Variants in CGREF1 observed in about 807,000 individuals in gnomAD.
CGREF1 encodes cell growth regulator with EF hand domain protein 1.
CGREF1 carries 16 observed loss-of-function variants against 17.4 expected under a neutral mutation model. The ratio of observed to expected loss-of-function variants is 0.92; its 90% CI spans 0.62 to 1.40. CGREF1 has a LOEUF of 1.40. Ranked by LOEUF, CGREF1 falls within the 40% of genes most tolerant of loss-of-function variation. CGREF1 has a pLI of 0.00. For synonymous variants in CGREF1, 142 were observed against 154.6 expected, an observed-to-expected ratio of 0.92 and a Z score of 0.61; for missense variants, 296 against 376.4, an observed-to-expected ratio of 0.79 and a Z score of 1.77.
In CGREF1 at chr2:27,101,870, T is replaced by C; in HGVS notation, c.361A>G (p.Lys121Glu). Residue 121 changes from lysine (K) to glutamate (E), a missense_variant, in exon 6 of 6, where the codon AAA becomes GAA. Transcript: ENST00000402394. ...TTNPVILIVDKVLETQDLNGD... is the reference protein window; with the variant it reads ...TTNPVILIVDEVLETQDLNGD... ...TTCAGGTCCTGGGTCTCGAGCACTTTGTCCACTATCAAGATCACCTGTGGA... is the reference window on the plus strand; with the variant it reads ...TTCAGGTCCTGGGTCTCGAGCACTTCGTCCACTATCAAGATCACCTGTGGA... 2 of 1,613,026 alleles carry C rather than the reference T, an allele frequency of 1.2e-6. No homozygotes were observed. Among genetic ancestry groups the C allele is most frequent in the Non-Finnish European group, 1.7e-6 (2 of 1,179,758 alleles).
rs747455437 is a variant in CGREF1 at position 27,101,850 on chromosome 2, G to C, written c.381C>G (p.Asp127Glu). Residue 127 changes from aspartate to glutamate, a missense_variant, in exon 6 of 6, where the codon GAC (aspartate) becomes GAG (glutamate). This residue lies in a region of CGREF1 where 247 missense variants were observed against 267.2 expected (regional missense o/e 0.92). Coordinates refer to ENST00000402394, the MANE Select transcript of CGREF1 (RefSeq NM_006569.6). ...LIVDKVLETQ[D>E]LNGDGLMTPA... ...GGGTCATGAGCCCATCCCCATTCAG[G>C]TCCTGGGTCTCGAGCACTTTGTCCA... is the stretch of plus-strand genomic sequence containing the variant. The C allele has an allele frequency of 3.7e-6, 6 of 1,613,702 alleles. No homozygotes were observed. The East Asian group carries it at 1.3e-4, about 36-fold the overall frequency.
intron 1 of CGREF1, among the ~76,000 whole-genome samples, chr2:27,107,933 C>CAAAAAAAAA (rs143132359): frequency 3.1e-5 from 3 of 95,764 alleles, no homozygotes; most frequent in Admixed American, 1.3e-4. Context: ...GACTCTGTCT[C>CAAAAAAAAA]AAAAAAAAAA....
chr2:27,102,047 C>T (rs775542451), intron 5 of CGREF1, 50 bp downstream of exon 5: 10 of 1,570,156 alleles, frequency 6.4e-6, no homozygotes, highest in Admixed American at 1.9e-5. Context: ...ACCAAAGCCC[C>T]AAAGTGCTGG....
chr2:27,113,486 T>C (rs1259605441), intron 1 of CGREF1, among the ~76,000 whole-genome samples: 2 of 152,358 alleles, frequency 1.3e-5, no homozygotes, highest in African/African-American at 4.8e-5. Context: ...CTTTTTCTTT[T>C]TCCCCCTAAA....
chr2:27,106,816 C>G (rs1403589448), intron 1 of CGREF1, among the ~76,000 whole-genome samples: 1 of 152,170 alleles, frequency 6.6e-6, no homozygotes, highest in Non-Finnish European at 1.5e-5. Context: ...CAGAGTTTCG[C>G]TGTGTTGGCC....
downstream of CGREF1, chr2:27,100,369 T>C: frequency 8.3e-7 from 1 of 1,200,696 alleles, no homozygotes; most frequent in African/African-American, 1.6e-5. Flanking sequence ...AAATACCTCC[T>C]CCCGCTGACT....
chr2:27,109,660 C>T (rs528598403), intron 1 of CGREF1, among the ~76,000 whole-genome samples: 7 of 150,744 alleles, frequency 4.6e-5, no homozygotes, highest in East Asian at 2.0e-4. Context: ...CCGAGGTGGG[C>T]GGATCACCTG....
chr2:27,101,283 A>C lies in CGREF1; in HGVS notation c.948T>G (p.Asp316Glu), dbSNP rs751260296. 2.6e-6 allele frequency: 4 copies of C among 1,555,394 alleles called. No individual in the cohort carries two copies. Among genetic ancestry groups the C allele is most frequent in the Admixed American group, 3.8e-5 (2 of 52,424 alleles). Residue 316 changes from aspartate (D) to glutamate (E), a missense_variant, in exon 6 of 6, where the codon GAT becomes GAG. This residue lies in a region of CGREF1 where 40 missense variants were observed against 40.8 expected (regional missense o/e 0.98). Coordinates refer to ENST00000402394, the MANE Select transcript of CGREF1 (RefSeq NM_006569.6). ...FEVHIVQVEN[D>E]EI ...CCTGTATCTTCAAGATCTAGATCTC[A>C]TCATTCTCCACTTGAACAATGTGCA...
intron 1 of CGREF1, among the ~76,000 whole-genome samples, chr2:27,116,574 A>C (rs1671571710): frequency 6.9e-6 from 1 of 145,620 alleles, no homozygotes; most frequent in Non-Finnish European, 1.5e-5. Context: ...TTTCAGTATA[A>C]TTTTTTTTTT....
Position 27,118,867 on chromosome 2 carries a change from C to G in CGREF1, c.-33G>C, listed in dbSNP as rs921931725. 1 of 152,002 alleles carries G rather than the reference C, an allele frequency of 6.6e-6. No individual in the cohort carries two copies. The highest frequency in any genetic ancestry group is 2.4e-5 in the African/African-American group (1 of 41,386). 9.4% of individuals were successfully genotyped at this position (152,002 alleles called of 1,614,324 possible). A position where few individuals can be genotyped will look rare whatever the true frequency, so the allele number is the denominator to read the frequency against. The stretch of plus-strand genomic sequence containing the variant: ...CCACCTGCTGCGGCGCCGCGCGGCT[C>G]TGGGGGTCCAGCTCCGTGGGCGCTC... On this transcript the variant is annotated 5_prime_UTR_variant, in exon 1 of 6. Coordinates refer to ENST00000402394, the MANE Select transcript of CGREF1 (RefSeq NM_006569.6).
intron 1 of CGREF1, among the ~76,000 whole-genome samples, chr2:27,110,360 C>T (rs1415838574): frequency 6.6e-6 from 1 of 152,002 alleles, no homozygotes; most frequent in African/African-American, 2.4e-5. Context: ...TGCAATTATA[C>T]CACTACACTC....
In CGREF1 at chr2:27,102,606, G is replaced by T; in HGVS notation, c.81-15C>A. ...CAGAGTCTGGCCTGGAGGAGGAAGG[G>T]GAGGACCAGCCTTGCAGAGAGCCTC... On this transcript the variant is annotated splice_polypyrimidine_tract_variant and intron_variant, in intron 2 of 5. Coordinates refer to ENST00000402394, the MANE Select transcript of CGREF1 (RefSeq NM_006569.6). 1 of 1,608,178 alleles carries T rather than the reference G, an allele frequency of 6.2e-7. No homozygotes were observed.
At chr2:27,115,399 C>T (rs912748642) in intron 1 of CGREF1, among the ~76,000 whole-genome samples, 18 of 152,192 alleles carry the variant, frequency 1.2e-4, no homozygotes, top group African/African-American at 3.6e-4. Flanking sequence ...AGCTCCACCA[C>T]TGAGTGTCCC....
chr2:27,110,329 G>A (rs1671316875), intron 1 of CGREF1, among the ~76,000 whole-genome samples: 1 of 152,104 alleles, frequency 6.6e-6, no homozygotes, highest in Non-Finnish European at 1.5e-5. Flanking sequence ...TTGAACGTGG[G>A]ACATTGAGGC....
chr2:27,104,165 A>C, intron 2 of CGREF1, 122 bp downstream of exon 2: 1 of 962,142 alleles, frequency 1.0e-6, no homozygotes, highest in South Asian at 1.9e-5. Context: ...TGGCAGGGAG[A>C]TACAGAGATC....
intron 2 of CGREF1, among the ~76,000 whole-genome samples, chr2:27,103,314 G>A (rs1448009384): frequency 3.3e-5 from 5 of 152,024 alleles, no homozygotes; most frequent in Non-Finnish European, 7.4e-5. Flanking sequence ...CTTCAGAAAG[G>A]TATTCAGATA....
rs1310577078 is a variant in CGREF1 at position 27,104,338 on chromosome 2, A to G, written c.29T>C (p.Ile10Thr). 1 of 1,604,380 alleles carries G rather than the reference A, an allele frequency of 6.2e-7. No homozygotes were observed. Among genetic ancestry groups the G allele is most frequent in the East Asian group, 2.2e-5 (1 of 44,854 alleles). The change falls in exon 2 of 6, where the codon ATC becomes ACC. Residue 10 changes from isoleucine to threonine, a missense_variant. Physicochemically the swap from Ile to Thr is moderately conservative, Grantham distance 89. This residue lies in a region of CGREF1 where 247 missense variants were observed against 267.2 expected (regional missense o/e 0.92). Transcript: ENST00000402394. MLPLTMTVL[I>T]LLLLPTGQAA... ...CTGACCCGTGGGGAGCAGCAGCAGG[A>G]TTAACACTGTCATCGTCAAAGGTAA...
intron 1 of CGREF1, among the ~76,000 whole-genome samples, chr2:27,111,518 C>T (rs918147106): frequency 6.6e-6 from 1 of 152,238 alleles, no homozygotes; most frequent in African/African-American, 2.4e-5. Flanking sequence ...CGCCCGCACT[C>T]CTCAGCCCTT....
At chr2:27,112,070 G>A (rs1671413172) in intron 1 of CGREF1, among the ~76,000 whole-genome samples, 2 of 152,232 alleles carry the variant, frequency 1.3e-5, no homozygotes, top group African/African-American at 4.8e-5. Flanking sequence ...AGAAGTTGGA[G>A]GCCAGCTTGG....
Sources: allele counts gnomAD v4.1 joint callset (sites outside exome capture counted in the v4.1 genomes callset), GRCh38; gene constraint gnomAD v4.1.1; regional missense constraint gnomAD v4.1.1; transcripts MANE v1.5; gene names NCBI Gene and HGNC (gene_info 2026-07-23, HGNC 2026-07-21).